Variants in MINDY2 observed in about 807,000 individuals in gnomAD.
MINDY2 encodes the protein ubiquitin carboxyl-terminal hydrolase MINDY-2.
In MINDY2, 52 loss-of-function variants were observed where a neutral mutation model predicts 68.2. The observed-to-expected ratio is 0.76, with a 90% CI of 0.61 to 0.96. MINDY2 has a LOEUF of 0.96. Among genes scored for constraint, MINDY2 ranks in the 40% least tolerant of loss-of-function variants. The pLI, the probability that MINDY2 is intolerant of heterozygous loss-of-function variation, is 0.00. For synonymous variants in MINDY2, 372 were observed against 303.0 expected (o/e 1.23, Z -2.36); for missense variants, 881 against 773.4 (o/e 1.14, Z -1.65).
chr15:58,851,396 ATTATT>A (rs2032803751), intron 7 of MINDY2, among the ~76,000 whole-genome samples: 1 of 152,028 alleles, frequency 6.6e-6, no homozygotes, highest in Non-Finnish European at 1.5e-5. Context: ...TTTTATTTTA[ATTATT>A]TTGTTATTTT....
intron 6 of MINDY2, among the ~76,000 whole-genome samples, chr15:58,834,510 C>G (rs2031900406): frequency 6.6e-6 from 1 of 152,166 alleles, no homozygotes; most frequent in South Asian, 2.1e-4. Context: ...ACCACCAACT[C>G]CATTAAATGA....
intron 1 of MINDY2, among the ~76,000 whole-genome samples, chr15:58,785,135 C>CAAAAAAAAAAA (rs397719705): frequency 1.7e-3 from 118 of 68,250 alleles, no homozygotes; most frequent in East Asian, 3.2e-3. Flanking sequence ...TGAAGGAAAG[C>CAAAAAAAAAAA]AAAAAAAAAA....
chr15:58,811,418 T>C (rs1490862478), intron 4 of MINDY2, among the ~76,000 whole-genome samples: 1 of 152,170 alleles, frequency 6.6e-6, no homozygotes, highest in East Asian at 1.9e-4. Flanking sequence ...AAAAGTTTAA[T>C]GAAGAGACTA....
intron 1 of MINDY2, among the ~76,000 whole-genome samples, chr15:58,777,655 G>A (rs406699): frequency 0.33 from 49,420 of 151,920 alleles, 10,621 homozygotes; most frequent in African/African-American, 0.6. Context: ...AAGAAAATCT[G>A]TTGAATAGTT....
chr15:58,836,144 T>C (rs779859903), intron 6 of MINDY2, among the ~76,000 whole-genome samples: 1 of 152,102 alleles, frequency 6.6e-6, no homozygotes, highest in Non-Finnish European at 1.5e-5. Flanking sequence ...TCTCCTGATC[T>C]CGTGATCTGC....
chr15:58,780,292 T>C (rs7169796), intron 1 of MINDY2, among the ~76,000 whole-genome samples: 24,667 of 151,800 alleles, frequency 0.16, 2,239 homozygotes, highest in South Asian at 0.34. Flanking sequence ...TAATCCCAGC[T>C]ACTCGGGAGG....
chr15:58,841,701 G>A (rs1052798221), intron 6 of MINDY2, among the ~76,000 whole-genome samples: 1 of 152,138 alleles, frequency 6.6e-6, no homozygotes, highest in Admixed American at 6.5e-5. Context: ...CACCGCGCCC[G>A]GCTGATCTGT....
intron 8 of MINDY2, among the ~76,000 whole-genome samples, chr15:58,853,428 C>G (rs1249597268): frequency 6.6e-6 from 1 of 152,008 alleles, no homozygotes; most frequent in East Asian, 1.9e-4. Flanking sequence ...TAAATCCTAC[C>G]ATGTTATGTG....
chr15:58,860,724 C>G lies in MINDY2; in HGVS notation c.*6114C>G, dbSNP rs2033196603. 1 of 151,962 alleles carries G rather than the reference C, an allele frequency of 6.6e-6. No homozygotes were observed. The allele number at this position is 151,962 out of a possible 1,614,324, so 9.4% of individuals were successfully genotyped here. On this transcript the variant is annotated 3_prime_UTR_variant, in exon 9 of 9. Transcript: ENST00000559228. ...TGTTTTTTAAAAATTTTTAATGAACCTTACATTGTGAACATAATTGCAACA... is the reference window on the plus strand; with the variant it reads ...TGTTTTTTAAAAATTTTTAATGAACGTTACATTGTGAACATAATTGCAACA...
intron 8 of MINDY2, among the ~76,000 whole-genome samples, chr15:58,853,819 T>TAAA (rs10563818): frequency 4.2e-4 from 43 of 102,174 alleles, no homozygotes; most frequent in African/African-American, 7.6e-4. Context: ...TCCATCTCAA[T>TAAA]AAAAAAAAAA....
chr15:58,793,839 T>TC (rs1393744519), intron 2 of MINDY2, among the ~76,000 whole-genome samples: 3 of 151,730 alleles, frequency 2.0e-5, no homozygotes, highest in African/African-American at 7.3e-5. Flanking sequence ...TTGTTGAAAG[T>TC]AAGAGGGAAG....
At chr15:58,812,202 C>T (rs554278605) in intron 4 of MINDY2, among the ~76,000 whole-genome samples, 175 of 152,042 alleles carry the variant, frequency 1.2e-3, no homozygotes, top group Non-Finnish European at 1.9e-3. Context: ...CTTTGGGAGG[C>T]CGAGGCGGGT....
At position 58,802,338 on chromosome 15, in the gene MINDY2, A is replaced by G. The variant is rs1324904738; in HGVS notation, c.924A>G (p.Pro308=). 6 of 1,588,572 alleles carry G rather than the reference A, an allele frequency of 3.8e-6. No individual in the cohort carries two copies. The Middle Eastern group carries it at 5.0e-4, about 133-fold the overall frequency. The part of the protein sequence containing the change: ...YLGDYMLDAK[P]KEISEIQRLN... The stretch of plus-strand genomic sequence containing the variant: ...GAGATTACATGCTTGATGCAAAGCC[A>G]AAAGAAATTTCAGAAATTCAACGTT... Residue 308 remains proline, a synonymous_variant, in exon 3 of 9, where the codon CCA becomes CCG. Transcript: ENST00000559228.
intron 1 of MINDY2, among the ~76,000 whole-genome samples, chr15:58,774,029 C>A (rs554743647): frequency 4.3e-4 from 65 of 152,084 alleles, no homozygotes; most frequent in African/African-American, 1.3e-3. Context: ...TTCCTTTAGT[C>A]TTTTTTCTTA....
chr15:58,813,363 C>T (rs575160147), intron 4 of MINDY2, among the ~76,000 whole-genome samples: 10 of 152,182 alleles, frequency 6.6e-5, no homozygotes, highest in Admixed American at 3.9e-4. Flanking sequence ...GCTGTCATGG[C>T]ATGTGCCTAT....
At position 58,852,969 on chromosome 15, in the gene MINDY2, TTAA is replaced by T. The variant is rs2032906965; in HGVS notation, c.1737+1005_1737+1007del. Reference sequence around the variant, plus strand: ...TTTTTTTTTTTTTTTTTTTTTTTTTTTAAGACAGAGTCTCACTCTGTTGCCCAG... The same window carrying T: ...TTTTTTTTTTTTTTTTTTTTTTTTTTGACAGAGTCTCACTCTGTTGCCCAG... On this transcript the variant is annotated intron_variant, in intron 8 of 8. Coordinates refer to ENST00000559228, the MANE Select transcript of MINDY2 (RefSeq NM_001040450.3). Among the ~76,000 whole-genome samples the T allele has an allele frequency of 8.4e-5, 3 of 35,830 alleles. 1 individual carries two copies. Among genetic ancestry groups the T allele is most frequent in the South Asian group, 1.1e-3 (1 of 920 alleles). 23.5% of individuals were successfully genotyped at this position (35,830 alleles called of 152,430 possible). A position where few individuals can be genotyped will look rare whatever the true frequency, so the allele number is the denominator to read the frequency against.
chr15:58,799,322 C>T (rs997966698), intron 2 of MINDY2, among the ~76,000 whole-genome samples: 12 of 152,158 alleles, frequency 7.9e-5, no homozygotes, highest in Non-Finnish European at 1.6e-4. Context: ...AATCCCAGCA[C>T]TTTGGGAGGC....
At chr15:58,844,623 A>C (rs1214021950) in intron 6 of MINDY2, among the ~76,000 whole-genome samples, 1 of 151,568 alleles carries the variant, frequency 6.6e-6, no homozygotes, top group Non-Finnish European at 1.5e-5. Flanking sequence ...TTTTTTTAAA[A>C]AAATAAACGT....
At position 58,771,952 on chromosome 15, in the gene MINDY2, C is replaced by G. The variant is rs1316890904; in HGVS notation, c.557C>G (p.Pro186Arg). 3.9e-6 allele frequency: 6 copies of G among 1,556,398 alleles called. No individual in the cohort carries two copies. Among genetic ancestry groups the G allele is most frequent in the Admixed American group, 2.0e-5 (1 of 50,986 alleles). ...LESFSNLHSF[P>R]SSCEFNSEEG... ...TCGTTCTCTAACCTGCATTCTTTTC[C>G]CAGTAGCTGCGAGTTCAATAGTGAG... The change falls in exon 1 of 9, where the codon CCC (proline) becomes CGC (arginine). Residue 186 changes from proline (P) to arginine (R), a missense_variant. Transcript: ENST00000559228.
Sources: gnomAD v4.1 joint callset for allele counts (sites outside exome capture counted in the v4.1 genomes callset) on GRCh38, gnomAD v4.1.1 for gene constraint, MANE v1.5 for transcripts, NCBI Gene and HGNC (gene_info 2026-07-23, HGNC 2026-07-21) for gene names.